PDGFC: variants seen among roughly 807,000 people sequenced by gnomAD.
PDGFC encodes platelet derived growth factor C.
In PDGFC, 12 loss-of-function variants were observed where a neutral mutation model predicts 35.5. The ratio of observed to expected loss-of-function variants is 0.34; its 90% CI spans 0.22 to 0.55. The LOEUF is 0.55. Among genes scored for constraint, PDGFC ranks in the 20% least tolerant of loss-of-function variants. The probability of loss-of-function intolerance (pLI) is 0.91; values close to 1 mark genes in which losing one functional copy is unlikely to be tolerated. For synonymous variants in PDGFC, 159 were observed against 148.8 expected, an observed-to-expected ratio of 1.07 and a Z score of -0.50; for missense variants, 322 against 412.4, an observed-to-expected ratio of 0.78 and a Z score of 1.90.
rs1211676927 is a variant in PDGFC at position 156,968,530 on chromosome 4, T to C, written c.118+2256A>G. Among the ~76,000 whole-genome samples, 3 of 152,290 alleles carry C rather than the reference T, an allele frequency of 2.0e-5. 1 individual carries two copies. The highest frequency in any genetic ancestry group is 4.1e-4 in the South Asian group (2 of 4,826). On this transcript the variant is annotated intron_variant, in intron 1 of 5. Transcript: ENST00000502773. ...CAAAAAGAAGAAGAAGTAGAAGTAG[T>C]AGTAGTAACGGTAATGGTAGTAGCT... is the stretch of plus-strand genomic sequence containing the variant.
intron 3 of PDGFC, among the ~76,000 whole-genome samples, chr4:156,804,517 C>T (rs561050514): frequency 3.9e-4 from 60 of 152,024 alleles, no homozygotes; most frequent in Admixed American, 3.5e-3. Flanking sequence ...TGACATCCCT[C>T]TGCTCTCCAC....
intron 2 of PDGFC, among the ~76,000 whole-genome samples, chr4:156,819,244 T>C (rs1313027499): frequency 6.6e-6 from 1 of 151,206 alleles, no homozygotes; most frequent in African/African-American, 2.4e-5. Context: ...AAGGTGGATA[T>C]GCTAAAAAAA....
At chr4:156,903,455 C>A (rs1330281738) in intron 1 of PDGFC, among the ~76,000 whole-genome samples, 2 of 151,986 alleles carry the variant, frequency 1.3e-5, no homozygotes, top group African/African-American at 2.4e-5. Context: ...TTAAGTGCTT[C>A]TCCCCATCTA....
At chr4:156,818,596 C>G (rs1441549304) in intron 2 of PDGFC, among the ~76,000 whole-genome samples, 1 of 144,754 alleles carries the variant, frequency 6.9e-6, no homozygotes, top group Non-Finnish European at 1.5e-5. Context: ...TCTTGGCTCA[C>G]TGCAAGCTCC....
intron 1 of PDGFC, among the ~76,000 whole-genome samples, chr4:156,924,600 A>C (rs1318639913): frequency 6.6e-6 from 1 of 152,136 alleles, no homozygotes; most frequent in Non-Finnish European, 1.5e-5. Context: ...AAATGCAAAA[A>C]GTTTATTAGG....
At chr4:156,964,448 GTATA>G (rs1057183958) in intron 1 of PDGFC, among the ~76,000 whole-genome samples, 1 of 147,078 alleles carries the variant, frequency 6.8e-6, no homozygotes, top group Admixed American at 6.8e-5. Flanking sequence ...TATATATACT[GTATA>G]TATAGTACAT....
At chr4:156,864,597 G>C (rs1729790669) in intron 1 of PDGFC, among the ~76,000 whole-genome samples, 1 of 151,984 alleles carries the variant, frequency 6.6e-6, no homozygotes, top group Non-Finnish European at 1.5e-5. Context: ...ACTTTTTTTA[G>C]ATGGCCTTTT....
At chr4:156,887,290 A>G (rs1730398601) in intron 1 of PDGFC, among the ~76,000 whole-genome samples, 2 of 152,280 alleles carry the variant, frequency 1.3e-5, no homozygotes, top group African/African-American at 4.8e-5. Context: ...TGTTAACTTG[A>G]TAAGGAGACT....
intron 1 of PDGFC, among the ~76,000 whole-genome samples, chr4:156,852,767 G>C (rs1729487136): frequency 6.6e-6 from 1 of 152,188 alleles, no homozygotes; most frequent in Non-Finnish European, 1.5e-5. Flanking sequence ...AAGTGTGAGA[G>C]ATACTTCAAC....
At chr4:156,920,608 C>G (rs575921458) in intron 1 of PDGFC, among the ~76,000 whole-genome samples, 2 of 150,158 alleles carry the variant, frequency 1.3e-5, no homozygotes, top group Non-Finnish European at 3.0e-5. Context: ...TGAGAATATA[C>G]AAATTCTGGT....
At chr4:156,784,361 A>C (rs1420935099) in intron 3 of PDGFC, among the ~76,000 whole-genome samples, 1 of 152,054 alleles carries the variant, frequency 6.6e-6, no homozygotes, top group Non-Finnish European at 1.5e-5. Context: ...AGGAGAAGAG[A>C]GTTTTGAGGA....
intron 1 of PDGFC, among the ~76,000 whole-genome samples, chr4:156,923,817 A>G (rs1031084054): frequency 4.0e-5 from 6 of 149,308 alleles, no homozygotes; most frequent in African/African-American, 1.5e-4. Context: ...AAAGAGATGG[A>G]AAAAAAAAAT....
chr4:156,831,035 A>G (rs1728919907), intron 2 of PDGFC, among the ~76,000 whole-genome samples: 3 of 152,178 alleles, frequency 2.0e-5, no homozygotes, highest in Admixed American at 2.0e-4. Context: ...GGGCCCATCT[A>G]ATAATCTTTG....
At chr4:156,802,846 C>T (rs1015806100) in intron 3 of PDGFC, among the ~76,000 whole-genome samples, 4 of 152,112 alleles carry the variant, frequency 2.6e-5, no homozygotes, top group African/African-American at 7.2e-5. Flanking sequence ...TAGACTTAAT[C>T]AGAATTCATT....
At chr4:156,830,811 T>C (rs561103532) in intron 2 of PDGFC, among the ~76,000 whole-genome samples, 121 of 152,330 alleles carry the variant, frequency 7.9e-4, no homozygotes, top group African/African-American at 2.9e-3. Context: ...AGTTATTTAC[T>C]ACCAATACTA....
intron 1 of PDGFC, among the ~76,000 whole-genome samples, chr4:156,897,164 T>G (rs1579084713): frequency 6.6e-6 from 1 of 152,300 alleles, no homozygotes; most frequent in East Asian, 1.9e-4. Context: ...CTTCAGGTTT[T>G]ATTAAGGTAA....
At chr4:156,814,742 T>A (rs1732032945) in intron 2 of PDGFC, among the ~76,000 whole-genome samples, 1 of 152,204 alleles carries the variant, frequency 6.6e-6, no homozygotes, top group Non-Finnish European at 1.5e-5. Flanking sequence ...GATCTGTAAC[T>A]TCTTTAAAAG....
At chr4:156,841,342 C>G (rs1560836431) in intron 2 of PDGFC, 1 of 154,476 alleles carries the variant, frequency 6.5e-6, no homozygotes, top group East Asian at 1.9e-4. Flanking sequence ...TAAGGGGCTT[C>G]TCCTTCTTTT....
chr4:156,889,127 A>G (rs1339797488), intron 1 of PDGFC, among the ~76,000 whole-genome samples: 1 of 152,144 alleles, frequency 6.6e-6, no homozygotes, highest in Admixed American at 6.6e-5. Flanking sequence ...ATTATCTTCA[A>G]AAACCTAGTT....
Sources: gnomAD v4.1 joint callset for allele counts (sites outside exome capture counted in the v4.1 genomes callset) on GRCh38, gnomAD v4.1.1 for gene constraint, MANE v1.5 for transcripts, NCBI Gene and HGNC (gene_info 2026-07-23, HGNC 2026-07-21) for gene names.